Variants in LIN28B observed in about 807,000 individuals in gnomAD.
LIN28B encodes the protein lin-28 RNA binding posttranscriptional regulator B.
A neutral mutation model predicts 21.9 loss-of-function variants in LIN28B; 5 were observed. The observed-to-expected ratio is 0.23, with a 90% confidence interval of 0.12 to 0.48. The LOEUF (loss-of-function observed/expected upper bound fraction) is 0.48. LIN28B is among the 20% of genes least tolerant of loss of function. The pLI, the probability that LIN28B is intolerant of heterozygous loss-of-function variation, is 0.98. For missense variants in LIN28B, 245 were observed against 310.5 expected, an observed-to-expected ratio of 0.79 and a Z score of 1.58; for synonymous variants, 109 against 111.3, an observed-to-expected ratio of 0.98 and a Z score of 0.13.
At chr6:104,977,001 T>C (rs1343148931) in intron 2 of LIN28B, among the ~76,000 whole-genome samples, 1 of 152,172 alleles carries the variant, frequency 6.6e-6, no homozygotes, top group Non-Finnish European at 1.5e-5. Context: ...ATATTTAAGC[T>C]CTTCATGATC....
chr6:104,981,550 G>A (rs1019039671), intron 2 of LIN28B, among the ~76,000 whole-genome samples: 4 of 152,116 alleles, frequency 2.6e-5, no homozygotes, highest in Non-Finnish European at 5.9e-5. Flanking sequence ...ATTTGTACTG[G>A]AGAGTAAAGA....
At chr6:104,944,666 T>C (rs1778136151) in intron 2 of LIN28B, among the ~76,000 whole-genome samples, 1 of 152,118 alleles carries the variant, frequency 6.6e-6, no homozygotes, top group Non-Finnish European at 1.5e-5. Context: ...TTATATGAAA[T>C]GAGTACTAGT....
rs1232346522 is a variant in LIN28B at position 104,946,909 on chromosome 6, A to G, written c.19-3552A>G. Among the ~76,000 whole-genome samples the G allele has an allele frequency of 3.9e-5, 6 of 152,170 alleles. No individual in the cohort carries two copies. In the East Asian group the frequency reaches 1.2e-3, roughly 29 times the overall value. On this transcript the variant is annotated intron_variant, in intron 2 of 5. Coordinates refer to the LIN28B transcript ENST00000635857. ...TTTAAAATGTTGAAAAATTCTGGAG[A>G]TGAGAATAAGTAATGAAATAATTTT...
Position 104,979,149 on chromosome 6 carries a change from A to C in LIN28B, c.198+20863A>C, listed in dbSNP as rs557588862. Among the ~76,000 whole-genome samples, 40 of 152,128 alleles carry C rather than the reference A, an allele frequency of 2.6e-4. No homozygotes were observed. In the South Asian group the frequency reaches 8.1e-3, roughly 31 times the overall value. On this transcript the variant is annotated intron_variant, in intron 2 of 3. Coordinates refer to ENST00000345080, the MANE Select transcript of LIN28B (RefSeq NM_001004317.4). ...ATTGTTCTGATTATAAATGTAGTAC[A>C]TGTGATTATAGGATATTTGGAGAAA...
intron 3 of LIN28B, among the ~76,000 whole-genome samples, chr6:105,047,886 C>T (rs1027449824): frequency 1.5e-4 from 23 of 152,122 alleles, no homozygotes; most frequent in Non-Finnish European, 1.6e-4. Flanking sequence ...GAGACTTTGC[C>T]AAATTTGCTT....
chr6:104,957,882 T>C (rs1778313365), intron 1 of LIN28B, among the ~76,000 whole-genome samples: 2 of 151,912 alleles, frequency 1.3e-5, no homozygotes, highest in African/African-American at 4.8e-5. Context: ...GTTGGTGTGA[T>C]CGATAGAACA....
chr6:105,048,079 G>T (rs905927021), intron 3 of LIN28B, among the ~76,000 whole-genome samples: 1 of 152,170 alleles, frequency 6.6e-6, no homozygotes, highest in African/African-American at 2.4e-5. Context: ...GTGAGAGAGG[G>T]CATCCCTGTC....
chr6:104,962,857 A>T (rs1401744259), intron 2 of LIN28B, among the ~76,000 whole-genome samples: 1 of 152,148 alleles, frequency 6.6e-6, no homozygotes, highest in Non-Finnish European at 1.5e-5. Context: ...AAAAAATTAG[A>T]CATCTTGGAA....
intron 2 of LIN28B, among the ~76,000 whole-genome samples, chr6:104,964,979 G>A (rs1769826598): frequency 6.6e-6 from 1 of 152,172 alleles, no homozygotes; most frequent in African/African-American, 2.4e-5. Context: ...TTGAAGAGTA[G>A]AGGTAATGTT....
Position 104,981,327 on chromosome 6 carries a change from G to A in LIN28B, c.198+23041G>A, listed in dbSNP as rs1239863001. Among the ~76,000 whole-genome samples, 4 of 152,134 alleles carry A rather than the reference G, an allele frequency of 2.6e-5. No homozygotes were observed. The East Asian group carries it at 5.8e-4, about 22-fold the overall frequency. On this transcript the variant is annotated intron_variant, in intron 2 of 3. Coordinates refer to ENST00000345080, the MANE Select transcript of LIN28B (RefSeq NM_001004317.4). ...TGCTTTAAAGTCTTTAACACATGGA[G>A]CTGGCTGCTAACAGAAATTGACCAG...
intron 2 of LIN28B, among the ~76,000 whole-genome samples, chr6:105,010,136 G>A (rs1056274135): frequency 2.0e-5 from 3 of 151,740 alleles, no homozygotes; most frequent in African/African-American, 4.8e-5. Flanking sequence ...CAGACAGATC[G>A]CTTAAGCCCA....
intron 2 of LIN28B, chr6:104,941,046 AGCGTGGCCGGGTGTGCGTGCGGGTGCGG>A (rs1778081438): frequency 6.6e-6 from 1 of 152,048 alleles, no homozygotes; most frequent in Non-Finnish European, 1.5e-5. Context: ...CGCGAGTGCG[AGCGTGGCCGGGTGTGCGTGCGGGTGCGG>A]ACGCCGCTCG....
chr6:105,050,315 T>A (rs981225770), intron 3 of LIN28B, among the ~76,000 whole-genome samples: 2 of 152,104 alleles, frequency 1.3e-5, no homozygotes, highest in Non-Finnish European at 2.9e-5. Context: ...TCTTTAAGAA[T>A]GTTGAGGCTG....
At chr6:104,947,474 CTTTACA>C (rs1195195635) in intron 2 of LIN28B, among the ~76,000 whole-genome samples, 1 of 152,086 alleles carries the variant, frequency 6.6e-6, no homozygotes, top group Non-Finnish European at 1.5e-5. Context: ...AGTCATTTTC[CTTTACA>C]TTTAGTTACA....
At chr6:104,958,006 C>G (rs1398979968) in intron 1 of LIN28B, 93 bp from the exon 2 acceptor site, 4 of 923,812 alleles carry the variant, frequency 4.3e-6, no homozygotes, top group Non-Finnish European at 6.0e-6. Flanking sequence ...TACCCTTCCC[C>G]CCCAACCCCA....
intron 3 of LIN28B, among the ~76,000 whole-genome samples, chr6:105,035,644 GA>G (rs1451162380): frequency 6.6e-6 from 1 of 152,134 alleles, no homozygotes; most frequent in Non-Finnish European, 1.5e-5. Context: ...GTTGGAATCA[GA>G]AAAGTTTAAT....
intron 3 of LIN28B, among the ~76,000 whole-genome samples, chr6:105,056,399 T>G (rs1448164091): frequency 6.6e-6 from 1 of 152,132 alleles, no homozygotes; most frequent in Non-Finnish European, 1.5e-5. Flanking sequence ...TAGATTATGG[T>G]AGATCTATTT....
At position 104,974,420 on chromosome 6, in the gene LIN28B, C is replaced by T. The variant is rs528858802; in HGVS notation, c.198+16134C>T. Among the ~76,000 whole-genome samples, 9 of 145,986 alleles carry T rather than the reference C, an allele frequency of 6.2e-5. No individual in the cohort carries two copies. The South Asian group carries it at 2.0e-3, about 32-fold the overall frequency. Reference sequence around the variant, plus strand: ...AGAAGAATCGCTTGAACCTGGGAGGCGGAGGTTGCAGTGAGCCAATATCAT... The same window carrying T: ...AGAAGAATCGCTTGAACCTGGGAGGTGGAGGTTGCAGTGAGCCAATATCAT... On this transcript the variant is annotated intron_variant, in intron 2 of 3. Coordinates refer to ENST00000345080, the MANE Select transcript of LIN28B (RefSeq NM_001004317.4).
chr6:105,035,409 A>G (rs2114356566), intron 3 of LIN28B, among the ~76,000 whole-genome samples: 1 of 152,226 alleles, frequency 6.6e-6, no homozygotes, highest in East Asian at 1.9e-4. Flanking sequence ...TCAGGCATGA[A>G]TTGATAGTCT....
Sources: allele counts gnomAD v4.1 joint callset (sites outside exome capture counted in the v4.1 genomes callset), GRCh38; gene constraint gnomAD v4.1.1; transcripts MANE v1.5; gene names NCBI Gene and HGNC (gene_info 2026-07-23, HGNC 2026-07-21).